The following FARP2 variants were observed in gnomAD, a reference collection of about 807,000 sequenced individuals.
The protein encoded by FARP2 is FERM, ARHGEF and pleckstrin domain-containing protein 2.
FARP2 carries 111 observed loss-of-function variants against 130.5 expected under a neutral mutation model. The observed-to-expected ratio is 0.85, with a 90% confidence interval of 0.73 to 1.00. FARP2 has a LOEUF of 1.00. Among genes scored for constraint, FARP2 ranks in the 50% least tolerant of loss-of-function variants. FARP2 has a pLI of 0.00. For missense variants in FARP2, 1,385 were observed against 1,346.3 expected (o/e 1.03, Z -0.45); for synonymous variants, 504 against 516.9 (o/e 0.98, Z 0.34).
chr2:241,421,210 C>G (rs2062798727), intron 8 of FARP2, among the ~76,000 whole-genome samples: 1 of 152,208 alleles, frequency 6.6e-6, no homozygotes, highest in Non-Finnish European at 1.5e-5. Flanking sequence ...GCCACTAGGA[C>G]CTTGGGTCCA....
intron 2 of FARP2, among the ~76,000 whole-genome samples, chr2:241,393,263 A>G (rs1056119911): frequency 1.3e-5 from 2 of 151,676 alleles, no homozygotes; most frequent in African/African-American, 4.8e-5. Flanking sequence ...CAGGTGATCC[A>G]CCCGCCTCGG....
intron 7 of FARP2, among the ~76,000 whole-genome samples, chr2:241,415,518 G>T (rs919079843): frequency 2.6e-5 from 4 of 152,198 alleles, no homozygotes; most frequent in African/African-American, 9.7e-5. Flanking sequence ...TAGTGGATGG[G>T]TGGGTTTGGG....
intron 7 of FARP2, 114 bp from the exon 8 acceptor site, chr2:241,417,848 C>G: frequency 1.7e-6 from 2 of 1,183,326 alleles, no homozygotes; most frequent in East Asian, 2.4e-5. Context: ...ACCATCTGCC[C>G]TCTAAACACA....
chr2:241,444,100 A>T (rs2063457572), intron 13 of FARP2: 1 of 152,232 alleles, frequency 6.6e-6, no homozygotes, highest in Admixed American at 6.5e-5. Flanking sequence ...CATTTTGCTT[A>T]TGCAGCTAGA....
At chr2:241,493,722 G>C in intron 26 of FARP2, 2 of 519,120 alleles carry the variant, frequency 3.9e-6, no homozygotes, top group Non-Finnish European at 6.9e-6. Context: ...AGCCTCCTGA[G>C]TAACTGAGAT....
At chr2:241,488,470 G>GCCC (rs1559814871) in intron 21 of FARP2, 2 of 144,532 alleles carry the variant, frequency 1.4e-5, no homozygotes, top group Non-Finnish European at 3.0e-5. Context: ...AGGCTGGAGT[G>GCCC]CCCAGGCACG....
At chr2:241,408,371 CA>C (rs966306915) in intron 5 of FARP2, among the ~76,000 whole-genome samples, 125 of 134,954 alleles carry the variant, frequency 9.3e-4, no homozygotes, top group East Asian at 1.3e-3. Context: ...GACTCCGTCT[CA>C]AAAAAAAAAA....
chr2:241,462,425 G>T, intron 14 of FARP2, 98 bp from the exon 15 acceptor site: 1 of 780,888 alleles, frequency 1.3e-6, no homozygotes, highest in East Asian at 2.5e-5. Context: ...ATGTTACCTT[G>T]AGCAGAAGAA....
chr2:241,401,732 C>A (rs2062171141), intron 2 of FARP2, among the ~76,000 whole-genome samples: 1 of 151,092 alleles, frequency 6.6e-6, no homozygotes, highest in Admixed American at 6.6e-5. Flanking sequence ...GTTCTGTGTT[C>A]TTTTTAAGGG....
intron 1 of FARP2, among the ~76,000 whole-genome samples, chr2:241,365,520 A>G (rs1381973966): frequency 6.6e-6 from 1 of 152,214 alleles, no homozygotes; most frequent in African/African-American, 2.4e-5. Context: ...GAGGTCCTAT[A>G]TATAGCATTT....
intron 13 of FARP2, chr2:241,444,370 T>C (rs2063463545): frequency 6.6e-6 from 1 of 152,194 alleles, no homozygotes; most frequent in Admixed American, 6.5e-5. Flanking sequence ...ATTTAAAACG[T>C]TTTCCTAAAC....
At position 241,412,894 on chromosome 2, in the gene FARP2, G is replaced by A. The variant is rs150529241; in HGVS notation, c.509-413G>A. Among the ~76,000 whole-genome samples, 3 of 152,250 alleles carry A rather than the reference G, an allele frequency of 2.0e-5. No individual in the cohort carries two copies. The East Asian group carries it at 5.8e-4, about 29-fold the overall frequency. On this transcript the variant is annotated intron_variant, in intron 6 of 26. Transcript: ENST00000264042. ...AATACAAAAATTAGCTGGGCATGAT[G>A]GTGCTTACCTATAGTCCCAGCTACT...
chr2:241,478,742 G>T, intron 19 of FARP2: 2 of 448,336 alleles, frequency 4.5e-6, no homozygotes, highest in Non-Finnish European at 4.5e-6. Context: ...AACATCACAG[G>T]TGCCCATGAA....
intron 1 of FARP2, among the ~76,000 whole-genome samples, chr2:241,360,673 CAA>C (rs57878067): frequency 1.3e-4 from 12 of 91,852 alleles, no homozygotes; most frequent in African/African-American, 1.3e-4. Flanking sequence ...GACTCTGTCT[CAA>C]AAAAAAAAAA....
At chr2:241,445,919 A>T (rs1175907055) in intron 13 of FARP2, 1 of 152,148 alleles carries the variant, frequency 6.6e-6, no homozygotes, top group Non-Finnish European at 1.5e-5. Flanking sequence ...AGGTGTGTCT[A>T]CTCAGAGGGG....
chr2:241,407,667 C>T, intron 5 of FARP2, 52 bp downstream of exon 5: 3 of 1,329,416 alleles, frequency 2.3e-6, no homozygotes, highest in Non-Finnish European at 3.2e-6. Flanking sequence ...TTGTATTCAC[C>T]TGTTATCTCC....
intron 8 of FARP2, among the ~76,000 whole-genome samples, chr2:241,429,497 C>T (rs1186427214): frequency 6.6e-6 from 1 of 152,188 alleles, no homozygotes; most frequent in African/African-American, 2.4e-5. Context: ...GATGATGCGT[C>T]CTGATTCATG....
In FARP2 at chr2:241,491,097, GA is replaced by G. The variant is rs1559816864; in HGVS notation, c.2543del (p.Asn848ThrfsTer90). ...LEKEKWMLDL[N>X]SAIQAAKSGG... ...AGAAAGAGAAGTGGATGCTGGACCT[GA>G]ACTCCGCGATCCAAGCAGCCAAGAG... is the stretch of plus-strand genomic sequence containing the variant. On this transcript the variant is annotated frameshift_variant, in exon 23 of 27. Transcript: ENST00000264042. LOFTEE classifies it high-confidence loss of function. The G allele has an allele frequency of 6.2e-7, 1 of 1,613,526 alleles. No individual in the cohort carries two copies. The highest frequency in any genetic ancestry group is 8.5e-7 in the Non-Finnish European group (1 of 1,179,990).
At chr2:241,395,704 TATG>T (rs2062013755) in intron 2 of FARP2, 1 of 152,244 alleles carries the variant, frequency 6.6e-6, no homozygotes, top group Non-Finnish European at 1.5e-5. Context: ...TTCTTCCAGT[TATG>T]AAGTGATTTG....
Sources: gnomAD v4.1 joint callset for allele counts (sites outside exome capture counted in the v4.1 genomes callset) on GRCh38, gnomAD v4.1.1 for gene constraint, MANE v1.5 for transcripts, NCBI Gene and HGNC (gene_info 2026-07-23, HGNC 2026-07-21) for gene names.